Variants in ZNF430 observed in about 807,000 individuals in gnomAD.
The protein encoded by ZNF430 is zinc finger protein 430.
Under a neutral mutation model 56.7 loss-of-function variants are expected in ZNF430, and 35 were observed. That is an observed-to-expected ratio of 0.62 (90% CI 0.47 to 0.82). ZNF430 has a LOEUF of 0.82. ZNF430 is among the 40% of genes least tolerant of loss of function. The pLI, the probability that ZNF430 is intolerant of heterozygous loss-of-function variation, is 0.00. For missense variants in ZNF430, 574 were observed against 661.0 expected (o/e 0.87, Z 1.44); for synonymous variants, 212 against 224.3 (o/e 0.94, Z 0.49).
At chr19:21,036,365 G>A (rs1381124008) in intron 4 of ZNF430, 1 of 151,958 alleles carries the variant, frequency 6.6e-6, no homozygotes, top group African/African-American at 2.4e-5. Flanking sequence ...TTCACCATGT[G>A]TTTAATGATG....
intron 2 of ZNF430, among the ~76,000 whole-genome samples, chr19:21,031,161 A>AGT (rs1454607804): frequency 1.3e-5 from 2 of 152,080 alleles, no homozygotes; most frequent in Non-Finnish European, 2.9e-5. Flanking sequence ...CAGGATTACA[A>AGT]GTGTGAGCCA....
chr19:21,041,782 C>T (rs898813178), intron 4 of ZNF430, among the ~76,000 whole-genome samples: 6 of 152,174 alleles, frequency 3.9e-5, no homozygotes, highest in Admixed American at 2.0e-4. Context: ...GGCATGATCT[C>T]AGCTCACTGC....
chr19:21,027,509 G>A (rs1967826258), intron 2 of ZNF430, among the ~76,000 whole-genome samples: 2 of 152,062 alleles, frequency 1.3e-5, no homozygotes, highest in African/African-American at 4.8e-5. Context: ...TAGTGGATTA[G>A]CTTTTTGATG....
intron 1 of ZNF430, among the ~76,000 whole-genome samples, chr19:21,021,607 G>A (rs1456568833): frequency 6.6e-6 from 1 of 152,096 alleles, no homozygotes; most frequent in Non-Finnish European, 1.5e-5. Flanking sequence ...TGTTGTTCAT[G>A]GCGGGGCTTG....
intron 4 of ZNF430, among the ~76,000 whole-genome samples, chr19:21,055,145 T>A (rs1968352070): frequency 6.6e-6 from 1 of 152,088 alleles, no homozygotes; most frequent in South Asian, 2.1e-4. Flanking sequence ...TTGTTTTCAA[T>A]TTTTAAAATT....
At chr19:21,053,896 CTTCT>C (rs1267493768) in intron 4 of ZNF430, among the ~76,000 whole-genome samples, 1 of 151,526 alleles carries the variant, frequency 6.6e-6, no homozygotes, top group African/African-American at 2.4e-5. Flanking sequence ...TATACTTTTA[CTTCT>C]TTCTTATTTT....
intron 1 of ZNF430, among the ~76,000 whole-genome samples, chr19:21,021,917 A>G (rs1233145405): frequency 1.4e-5 from 2 of 143,128 alleles, no homozygotes; most frequent in African/African-American, 5.5e-5. Context: ...GCTCACTACA[A>G]CTTCTGCCGC....
chr19:21,041,505 A>G (rs1342868993), intron 4 of ZNF430, among the ~76,000 whole-genome samples: 2 of 152,140 alleles, frequency 1.3e-5, no homozygotes, highest in Non-Finnish European at 2.9e-5. Context: ...TGTTTTGTTT[A>G]AATATTATTT....
rs1290787052 is a variant in ZNF430 at position 21,059,072 on chromosome 19, G to A, written c.*1051G>A. On this transcript the variant is annotated 3_prime_UTR_variant, in exon 5 of 5. Transcript: ENST00000261560. ...ATTTTAAAAAACACTTTTTCAAAAA[G>A]TACAGCTTAGAAGACACCAGAGTTC... The A allele has an allele frequency of 6.6e-6, 1 of 152,118 alleles. No homozygotes were observed. The highest frequency in any genetic ancestry group is 2.4e-5 in the African/African-American group (1 of 41,424). The allele number at this position is 152,118 out of a possible 1,614,324, so 9.4% of individuals were successfully genotyped here.
chr19:21,037,280 AATTTTTTTCTT>A (rs1181704409), intron 4 of ZNF430, among the ~76,000 whole-genome samples: 1 of 151,848 alleles, frequency 6.6e-6, no homozygotes, highest in Non-Finnish European at 1.5e-5. Context: ...ATGCCCAGCT[AATTTTTTTCTT>A]ATTTTTAGTA....
intron 2 of ZNF430, among the ~76,000 whole-genome samples, chr19:21,026,595 A>G (rs1967800698): frequency 6.6e-6 from 1 of 152,088 alleles, no homozygotes; most frequent in Non-Finnish European, 1.5e-5. Context: ...GCAATTGTGA[A>G]TGGGATTATG....
At chr19:21,047,185 G>A (rs748160938) in intron 4 of ZNF430, among the ~76,000 whole-genome samples, 14 of 152,146 alleles carry the variant, frequency 9.2e-5, no homozygotes, top group Non-Finnish European at 1.9e-4. Context: ...AGTTCCATCA[G>A]GTCATTTATG....
Position 21,057,414 on chromosome 19 carries a change from G to A in ZNF430, c.1106G>A (p.Gly369Glu), listed in dbSNP as rs748131466. 113 of 1,613,404 alleles carry A rather than the reference G, an allele frequency of 7.0e-5. No individual in the cohort carries two copies. Among genetic ancestry groups the A allele is most frequent in the Non-Finnish European group, 9.5e-5 (112 of 1,179,972 alleles). ...ACTACACATAAGATAATTCATGCTGGAGAGAAACCTTACAAATGTGAAGAA... is the reference window on the plus strand; with the variant it reads ...ACTACACATAAGATAATTCATGCTGAAGAGAAACCTTACAAATGTGAAGAA... ...TLTTHKIIHA[G>E]EKPYKCEECG... The change falls in exon 5 of 5, where the codon GGA (glycine) becomes GAA (glutamate). Residue 369 changes from glycine to glutamate, a missense_variant. By Grantham distance (98) the Gly-to-Glu change is moderately conservative (BLOSUM62 -2). Transcript: ENST00000261560.
At chr19:21,055,575 A>C (rs1360090783) in intron 4 of ZNF430, among the ~76,000 whole-genome samples, 1 of 151,814 alleles carries the variant, frequency 6.6e-6, no homozygotes, top group East Asian at 1.9e-4. Context: ...CAGCCTCCCA[A>C]GTAGCTGGGA....
intron 4 of ZNF430, among the ~76,000 whole-genome samples, chr19:21,041,057 GTC>G (rs1255219673): frequency 6.6e-6 from 1 of 152,136 alleles, no homozygotes; most frequent in Non-Finnish European, 1.5e-5. Context: ...GCTAAAATGA[GTC>G]TGTTATAGAC....
intron 2 of ZNF430, among the ~76,000 whole-genome samples, chr19:21,027,514 T>C (rs1216946648): frequency 6.6e-6 from 1 of 152,200 alleles, no homozygotes; most frequent in African/African-American, 2.4e-5. Context: ...GATTAGCTTT[T>C]TGATGTTCTT....
intron 4 of ZNF430, among the ~76,000 whole-genome samples, chr19:21,055,133 A>G (rs1185973387): frequency 6.6e-6 from 1 of 151,594 alleles, no homozygotes; most frequent in Non-Finnish European, 1.5e-5. Flanking sequence ...GTATTATTCA[A>G]TTTGTTTTCA....
At chr19:21,030,828 T>G (rs1412381024) in intron 2 of ZNF430, among the ~76,000 whole-genome samples, 1 of 151,846 alleles carries the variant, frequency 6.6e-6, no homozygotes, top group Non-Finnish European at 1.5e-5. Flanking sequence ...CATTAAAGTT[T>G]GAGAGGCAGT....
chr19:21,033,585 G>A lies in ZNF430; in HGVS notation c.223+3G>A. On this transcript the variant is annotated splice_donor_region_variant and intron_variant, in intron 3 of 4. Coordinates refer to ENST00000261560, the MANE Select transcript of ZNF430 (RefSeq NM_025189.4). ...CTACAGAAACCTGGTCTTCTTGGGT[G>A]AGAATAACTTTAGTACACAATTACT... 4 of 1,604,404 alleles carry A rather than the reference G, an allele frequency of 2.5e-6. No individual in the cohort carries two copies. The highest frequency in any genetic ancestry group is 1.1e-5 in the South Asian group (1 of 90,036).
Sources: allele counts gnomAD v4.1 joint callset (sites outside exome capture counted in the v4.1 genomes callset), GRCh38; gene constraint gnomAD v4.1.1; transcripts MANE v1.5; gene names NCBI Gene and HGNC (gene_info 2026-07-23, HGNC 2026-07-21).